Variants in CABLES2 observed in about 807,000 individuals in gnomAD.
The protein encoded by CABLES2 is Cdk5 and Abl enzyme substrate 2, also known as CDK5 and ABL1 enzyme substrate 2.
Under a neutral mutation model 44.8 loss-of-function variants are expected in CABLES2, and 35 were observed. The observed-to-expected ratio is 0.78, with a 90% CI of 0.60 to 1.04. CABLES2 has a LOEUF of 1.04. CABLES2 is among the 50% of genes least tolerant of loss of function. CABLES2 has a pLI of 0.00. For synonymous variants in CABLES2, 282 were observed against 281.1 expected (o/e 1.00, Z -0.03); for missense variants, 566 against 615.7 (o/e 0.92, Z 0.85).
Position 62,394,012 on chromosome 20 carries a change from C to A in CABLES2, c.714+145G>T, listed in dbSNP as rs371809162. The stretch of plus-strand genomic sequence containing the variant: ...CCAGGGCCACGTTCTCAGGGCTGCA[C>A]GGGCCCGCATCCACTCCACCCTTGC... On this transcript the variant is annotated intron_variant, in intron 5 of 9. Transcript: ENST00000279101. The A allele has an allele frequency of 4.9e-4, 339 of 691,600 alleles. 5 individuals carry two copies. The African/African-American group carries it at 5.3e-3, about 11-fold the overall frequency. 42.8% of individuals were successfully genotyped at this position (691,600 alleles called of 1,614,324 possible). A position where few individuals can be genotyped will look rare whatever the true frequency, so the allele number is the denominator to read the frequency against.
chr20:62,393,386 G>C, intron 6 of CABLES2, 54 bp downstream of exon 6: 1 of 1,530,316 alleles, frequency 6.5e-7, no homozygotes, highest in South Asian at 1.3e-5. Context: ...CTGGGCCGTG[G>C]TTAAGGCACG....
rs1987890237 is a variant in CABLES2, at chr20:62,390,295, AG to A, written c.*675del. Reference sequence around the variant, plus strand: ...GTGACACGATGCTTGAAGAACAGAGAGGTCCAAGAGTCCAAGAATGAGATCA... The same window carrying A: ...GTGACACGATGCTTGAAGAACAGAGAGTCCAAGAGTCCAAGAATGAGATCA... On this transcript the variant is annotated 3_prime_UTR_variant, in exon 10 of 10. Coordinates refer to ENST00000279101, the MANE Select transcript of CABLES2 (RefSeq NM_031215.3). The A allele has an allele frequency of 6.5e-6, 1 of 152,718 alleles. No individual in the cohort carries two copies. The highest frequency in any genetic ancestry group is 2.1e-4 in the South Asian group (1 of 4,826). The allele number at this position is 152,718 out of a possible 1,614,324, so 9.5% of individuals were successfully genotyped here.
chr20:62,388,880 G>A lies in CABLES2; in HGVS notation c.*2091C>T, dbSNP rs1201558198. 4.8e-6 allele frequency: 1 copy of A among 207,190 alleles called. No individual in the cohort carries two copies. The highest frequency in any genetic ancestry group is 9.8e-6 in the Non-Finnish European group (1 of 101,926). 12.8% of individuals were successfully genotyped at this position (207,190 alleles called of 1,614,324 possible). ...GAGACTGTAGTTTGGTTTAACTACT[G>A]GCTTTGTTGCAATAATCCTCGAATA... On this transcript the variant is annotated 3_prime_UTR_variant, in exon 10 of 10. Coordinates refer to ENST00000279101, the MANE Select transcript of CABLES2 (RefSeq NM_031215.3).
At chr20:62,392,152 CTG>C (rs945367090) in intron 8 of CABLES2, among the ~76,000 whole-genome samples, 1 of 150,862 alleles carries the variant, frequency 6.6e-6, no homozygotes, top group African/African-American at 2.4e-5. Flanking sequence ...GAGGGTCTGG[CTG>C]TGAGAGACCC....
In CABLES2 at chr20:62,391,618, C is replaced by T. The variant is rs1261566382; in HGVS notation, c.1092-165G>A. Among the ~76,000 whole-genome samples the T allele has an allele frequency of 6.6e-6, 1 of 152,214 alleles. No homozygotes were observed. The highest frequency in any genetic ancestry group is 1.5e-5 in the Non-Finnish European group (1 of 68,042). On this transcript the variant is annotated intron_variant, in intron 8 of 9. Transcript: ENST00000279101. The surrounding 1 kb of genome is among the most constrained non-coding windows in gnomAD (Gnocchi z 5.7). Reference sequence around the variant, plus strand: ...CCCTCCGCCGTACCATGTATAACGCCCAGGGCAGGGCGCATGGGCAGGGAC... The same window carrying T: ...CCCTCCGCCGTACCATGTATAACGCTCAGGGCAGGGCGCATGGGCAGGGAC...
intron 3 of CABLES2, among the ~76,000 whole-genome samples, chr20:62,395,906 G>A (rs572309499): frequency 2.0e-5 from 3 of 152,306 alleles, no homozygotes; most frequent in South Asian, 2.1e-4. Context: ...TGCCAGCTGC[G>A]GCCCTCCGCC....
Position 62,396,039 on chromosome 20 carries a change from G to A in CABLES2, c.527+276C>T, listed in dbSNP as rs1455220878. Among the ~76,000 whole-genome samples, 4 of 152,210 alleles carry A rather than the reference G, an allele frequency of 2.6e-5. No homozygotes were observed. The highest frequency in any genetic ancestry group is 5.9e-5 in the Non-Finnish European group (4 of 68,048). On this transcript the variant is annotated intron_variant, in intron 3 of 9. Transcript: ENST00000279101. This position sits in a 1 kb window ranked among gnomAD's most constrained non-coding sequence, Gnocchi z 5.7. ...TTCTGTGTCTCCAGTTTTCCTTCAC[G>A]TCAGCACTGTTGCTGGAGGCTAGTG... is the stretch of plus-strand genomic sequence containing the variant.
At position 62,393,088 on chromosome 20, in the gene CABLES2, T is replaced by C; in HGVS notation, c.881-65A>G. On this transcript the variant is annotated intron_variant, in intron 6 of 9. Coordinates refer to ENST00000279101, the MANE Select transcript of CABLES2 (RefSeq NM_031215.3). ...GCAGTACCCATCTAGCCCCAAGGCC[T>C]GGCAGGCCAGCGCCATGGCGGGGCA... is the stretch of plus-strand genomic sequence containing the variant. The C allele has an allele frequency of 2.1e-6, 3 of 1,438,794 alleles. No individual in the cohort carries two copies. The South Asian group carries it at 3.5e-5, about 17-fold the overall frequency. The allele number at this position is 1,438,794 out of a possible 1,614,324, so 89.1% of individuals were successfully genotyped here. A position where few individuals can be genotyped will look rare whatever the true frequency, so the allele number is the denominator to read the frequency against.
intron 1 of CABLES2, among the ~76,000 whole-genome samples, chr20:62,398,187 A>ACGGTGGTGGTGATGGTGG (rs759461396): frequency 1.1e-5 from 1 of 92,660 alleles, no homozygotes; most frequent in African/African-American, 5.0e-5. Flanking sequence ...GGTGGTGGTG[A>ACGGTGGTGGTGATGGTGG]TGGTGATGAT....
chr20:62,398,210 GAT>G lies in CABLES2; in HGVS notation c.363-1620_363-1619del, dbSNP rs1456149808. 2.7e-3 allele frequency among the ~76,000 whole-genome samples: 326 copies of G among 120,560 alleles called. 4 individuals are homozygous for G. Among genetic ancestry groups the G allele is most frequent in the East Asian group, 4.3e-3 (20 of 4,678 alleles). The allele number at this position is 120,560 out of a possible 152,430, so 79.1% of individuals were successfully genotyped here. A position where few individuals can be genotyped will look rare whatever the true frequency, so the allele number is the denominator to read the frequency against. ...TGATGGTGATGATGGTGGTGATGGTGATGTGATGGTGGTGGTGGTGACGGTGG... is the reference window on the plus strand; with the variant it reads ...TGATGGTGATGATGGTGGTGATGGTGGTGATGGTGGTGGTGGTGACGGTGG... On this transcript the variant is annotated intron_variant, in intron 1 of 9. Transcript: ENST00000279101.
rs202169971 is a variant in CABLES2, at chr20:62,396,509, G to A, written c.434+12C>T. The A allele has an allele frequency of 4.7e-5, 76 of 1,613,742 alleles. No homozygotes were observed. Among genetic ancestry groups the A allele is most frequent in the Non-Finnish European group, 5.6e-5 (66 of 1,179,916 alleles). ...CGGAGTCGTAGAGCTCGGGGCGGAC[G>A]GGGGCGTGTACCTCTGTGCTGGAGC... On this transcript the variant is annotated intron_variant, in intron 2 of 9. Transcript: ENST00000279101. The surrounding 1 kb of genome is among the most constrained non-coding windows in gnomAD (Gnocchi z 5.7).
chr20:62,394,139 C>T lies in CABLES2; in HGVS notation c.714+18G>A, dbSNP rs371960230. The stretch of plus-strand genomic sequence containing the variant: ...GGCCCTGACGGCGCTGGGTGTCCAC[C>T]AGCGAAGAGGCTCTTACCTTCCCGT... On this transcript the variant is annotated intron_variant, in intron 5 of 9. Coordinates refer to ENST00000279101, the MANE Select transcript of CABLES2 (RefSeq NM_031215.3). The T allele has an allele frequency of 6.2e-7, 1 of 1,603,524 alleles. No homozygotes were observed. Among genetic ancestry groups the T allele is most frequent in the South Asian group, 1.1e-5 (1 of 90,890 alleles).
intron 6 of CABLES2, 96 bp downstream of exon 6, chr20:62,393,344 T>C (rs757501207): frequency 4.1e-5 from 53 of 1,306,126 alleles, no homozygotes; most frequent in Non-Finnish European, 5.5e-5. Flanking sequence ...GGGCTACAGA[T>C]TGAAAGGGGC....
rs1988015815 is a variant in CABLES2, at chr20:62,396,228, A to G, written c.527+87T>C. On this transcript the variant is annotated intron_variant, in intron 3 of 9. Coordinates refer to ENST00000279101, the MANE Select transcript of CABLES2 (RefSeq NM_031215.3). This position sits in a 1 kb window ranked among gnomAD's most constrained non-coding sequence, Gnocchi z 5.7. The stretch of plus-strand genomic sequence containing the variant: ...GGGTGGGCGGGAGCTTTGGGAGTGG[A>G]GGGAAGATTGCTTGGCTGACAGGGG... 1 of 1,132,526 alleles carries G rather than the reference A, an allele frequency of 8.8e-7. No individual in the cohort carries two copies. Among genetic ancestry groups the G allele is most frequent in the Non-Finnish European group, 1.3e-6 (1 of 748,324 alleles). The allele number at this position is 1,132,526 out of a possible 1,614,324, so 70.2% of individuals were successfully genotyped here. A position where few individuals can be genotyped will look rare whatever the true frequency, so the allele number is the denominator to read the frequency against.
chr20:62,393,026 G>C lies in CABLES2; in HGVS notation c.881-3C>G, dbSNP rs759192452. ...CAGGGTGTCCCCCACGTCACTCCCT[G>C]TAAGAGAGGCAACCCCTGACCCACC... On this transcript the variant is annotated splice_polypyrimidine_tract_variant and splice_region_variant and intron_variant, in intron 6 of 9. Coordinates refer to ENST00000279101, the MANE Select transcript of CABLES2 (RefSeq NM_031215.3). 3.1e-6 allele frequency: 5 copies of C among 1,612,220 alleles called. No homozygotes were observed. Among genetic ancestry groups the C allele is most frequent in the Non-Finnish European group, 4.2e-6 (5 of 1,178,676 alleles).
intron 1 of CABLES2, chr20:62,405,585 T>G (rs1988267013): frequency 1.3e-5 from 2 of 152,216 alleles, no homozygotes; most frequent in African/African-American, 4.8e-5. Flanking sequence ...GACGTCATAG[T>G]CTTTGAGGAC....
chr20:62,393,391 G>A (rs1987955635), intron 6 of CABLES2, 49 bp downstream of exon 6: 1 of 1,536,824 alleles, frequency 6.5e-7, no homozygotes. Context: ...CCGTGGTTAA[G>A]GCACGCGGGT....
At position 62,406,907 on chromosome 20, in the gene CABLES2, C is replaced by T. The variant is rs768872374; in HGVS notation, c.362+8G>A. 9.9e-6 allele frequency: 12 copies of T among 1,216,774 alleles called. No individual in the cohort carries two copies. In the Admixed American group the frequency reaches 4.9e-4, roughly 49 times the overall value. The allele number at this position is 1,216,774 out of a possible 1,614,324, so 75.4% of individuals were successfully genotyped here. A position where few individuals can be genotyped will look rare whatever the true frequency, so the allele number is the denominator to read the frequency against. ...GTCCTGGGCTGACCTGGCCGGGCCCCCACTCACCTCTGGCGCTGCCCATCC... is the reference window on the plus strand; with the variant it reads ...GTCCTGGGCTGACCTGGCCGGGCCCTCACTCACCTCTGGCGCTGCCCATCC... On this transcript the variant is annotated splice_region_variant and intron_variant, in intron 1 of 9. Coordinates refer to ENST00000279101, the MANE Select transcript of CABLES2 (RefSeq NM_031215.3).
intron 4 of CABLES2, 125 bp downstream of exon 4, chr20:62,394,812 A>T: frequency 1.2e-6 from 1 of 811,796 alleles, no homozygotes; most frequent in Non-Finnish European, 1.9e-6. Flanking sequence ...TGAGCCTCGC[A>T]TGAGCCCGGG....
Sources: gnomAD v4.1 joint callset for allele counts (sites outside exome capture counted in the v4.1 genomes callset) on GRCh38, gnomAD v4.1.1 for gene constraint, Gnocchi (gnomAD v3.1) non-coding constraint, MANE v1.5 for transcripts, NCBI Gene and HGNC (gene_info 2026-07-23, HGNC 2026-07-21) for gene names.